IL12RB2: variants seen among roughly 807,000 people sequenced by gnomAD.
IL12RB2 encodes interleukin 12 receptor subunit beta 2.
Under a neutral mutation model 89.4 loss-of-function variants are expected in IL12RB2, and 82 were observed. That is an observed-to-expected ratio of 0.92 (90% CI 0.77 to 1.10). The LOEUF (loss-of-function observed/expected upper bound fraction) is 1.10. Ranked by LOEUF, IL12RB2 falls within the 50% of genes least tolerant of loss-of-function variation. IL12RB2 has a pLI of 0.00. For synonymous variants in IL12RB2, 368 were observed against 370.1 expected (o/e 0.99, Z 0.07); for missense variants, 963 against 1,031.9 (o/e 0.93, Z 0.92).
chr1:67,382,314 A>G (rs1194453741), intron 14 of IL12RB2, among the ~76,000 whole-genome samples: 1 of 152,212 alleles, frequency 6.6e-6, no homozygotes, highest in Non-Finnish European at 1.5e-5. Context: ...GACACTTCTC[A>G]TGGGTCCTAA....
chr1:67,360,131 G>T (rs1661857524), intron 10 of IL12RB2, among the ~76,000 whole-genome samples: 1 of 152,170 alleles, frequency 6.6e-6, no homozygotes, highest in African/African-American at 2.4e-5. Flanking sequence ...GCTGGGCGCG[G>T]TGGCTCACAC....
Position 67,396,161 on chromosome 1 carries a change from T to C in IL12RB2, c.*72T>C. On this transcript the variant is annotated 3_prime_UTR_variant, in exon 17 of 17. Transcript: ENST00000674203. Reference sequence around the variant, plus strand: ...AGCCTGCCCCAATTCCCCCAGCCCCTGCTCCAGCAGCTGTCATCTCTGGGT... The same window carrying C: ...AGCCTGCCCCAATTCCCCCAGCCCCCGCTCCAGCAGCTGTCATCTCTGGGT... 2 of 926,336 alleles carry C rather than the reference T, an allele frequency of 2.2e-6. No individual in the cohort carries two copies. The highest frequency in any genetic ancestry group is 3.4e-5 in the Admixed American group (2 of 59,204). 57.4% of individuals were successfully genotyped at this position (926,336 alleles called of 1,614,324 possible).
chr1:67,314,594 A>G (rs1379071109), intron 2 of IL12RB2, among the ~76,000 whole-genome samples: 1 of 152,172 alleles, frequency 6.6e-6, no homozygotes, highest in East Asian at 1.9e-4. Context: ...CCTTGACCTT[A>G]ATACAGTGCT....
Position 67,329,593 on chromosome 1 carries a change from C to T in IL12RB2, c.671C>T (p.Pro224Leu), listed in dbSNP as rs1473521376. 8.2e-6 allele frequency: 13 copies of T among 1,582,922 alleles called. No homozygotes were observed. Among genetic ancestry groups the T allele is most frequent in the Non-Finnish European group, 1.0e-5 (12 of 1,151,610 alleles). ...TGTTTGTCCTGGTTACTAGTGAGGC[C>T]TCTTCCTCCGTGGGACATTAGAATC... ...STFTFLDIVR[P>L]LPPWDIRIKF... The change falls in exon 7 of 17, where the codon CCT (proline) becomes CTT (leucine). Residue 224 changes from proline to leucine, a missense_variant. Pro to Leu is a moderately conservative substitution (Grantham distance 98). Transcript: ENST00000674203.
At position 67,321,663 on chromosome 1, in the gene IL12RB2, T is replaced by G. The variant is rs758433481; in HGVS notation, c.138T>G (p.Thr46=). 1.2e-6 allele frequency: 2 copies of G among 1,602,218 alleles called. No homozygotes were observed. The highest frequency in any genetic ancestry group is 2.2e-5 in the South Asian group (2 of 90,872). The part of the protein sequence containing the change: ...KPSHVILLGS[T]VNITCSLKPR... ...CCCATGTAATTTTACTTGGATCCACTGTCAATATTACATGCTCTTTGAAGC... is the reference window on the plus strand; with the variant it reads ...CCCATGTAATTTTACTTGGATCCACGGTCAATATTACATGCTCTTTGAAGC... Residue 46 remains threonine, a synonymous_variant, in exon 4 of 17, where the codon ACT becomes ACG. Coordinates refer to ENST00000674203, the MANE Select transcript of IL12RB2 (RefSeq NM_001374259.2).
At position 67,338,662 on chromosome 1, in the gene IL12RB2, C is replaced by A; in HGVS notation, c.997C>A (p.His333Asn). The A allele has an allele frequency of 6.4e-7, 1 of 1,560,700 alleles. No individual in the cohort carries two copies. Among genetic ancestry groups the A allele is most frequent in the Non-Finnish European group, 8.8e-7 (1 of 1,131,484 alleles). ...GMLDVWYMKR[H>N]IDYSRQQISL... is the part of the protein sequence containing the mutation. ...GTTAGATGTCTGGTACATGAAACGG[C>A]ACATTGACTACAGTAGACAACAGAT... The change falls in exon 9 of 17, where the codon CAC becomes AAC. Residue 333 changes from histidine to asparagine, a missense_variant. His to Asn is a moderately conservative substitution (Grantham distance 68). Transcript: ENST00000674203.
At chr1:67,366,215 C>A (rs1662647919) in intron 10 of IL12RB2, among the ~76,000 whole-genome samples, 1 of 151,828 alleles carries the variant, frequency 6.6e-6, no homozygotes, top group South Asian at 2.1e-4. Context: ...ACTTTGGGAG[C>A]CCGAGGCGGG....
At chr1:67,350,816 A>G (rs1049663615) in intron 9 of IL12RB2, 54 bp from the exon 10 acceptor site, 38 of 1,604,464 alleles carry the variant, frequency 2.4e-5, no homozygotes, top group Non-Finnish European at 3.1e-5. Flanking sequence ...CCAGGCACAG[A>G]GCATCAGTGA....
chr1:67,321,474 G>A (rs1277256039), intron 3 of IL12RB2, 128 bp from the exon 4 acceptor site: 3 of 725,826 alleles, frequency 4.1e-6, no homozygotes, highest in African/African-American at 3.4e-5. Context: ...CCAGAGACAT[G>A]TAGGTTAATT....
At chr1:67,327,627 G>A (rs1168791766) in intron 5 of IL12RB2, among the ~76,000 whole-genome samples, 1 of 152,200 alleles carries the variant, frequency 6.6e-6, no homozygotes, top group Non-Finnish European at 1.5e-5. Context: ...AGAAGAGAGA[G>A]TCTGGGAGAT....
intron 4 of IL12RB2, among the ~76,000 whole-genome samples, chr1:67,326,473 C>T (rs766228634): frequency 2.0e-5 from 3 of 152,144 alleles, no homozygotes; most frequent in Non-Finnish European, 2.9e-5. Flanking sequence ...TGGGGTGCTA[C>T]GCTGTCTAAT....
rs745536208 is a variant in IL12RB2, at chr1:67,321,678, C to T, written c.153C>T (p.Cys51=). The change falls in exon 4 of 17, where the codon TGC becomes TGT. Residue 51 remains cysteine, a synonymous_variant. Transcript: ENST00000674203. ...ILLGSTVNIT[C]SLKPRQGCFH... ...TTGGATCCACTGTCAATATTACATG[C>T]TCTTTGAAGCCCAGACAAGGCTGCT... 8.1e-6 allele frequency: 13 copies of T among 1,601,984 alleles called. No individual in the cohort carries two copies. Among genetic ancestry groups the T allele is most frequent in the African/African-American group, 1.3e-5 (1 of 74,806 alleles).
intron 10 of IL12RB2, among the ~76,000 whole-genome samples, chr1:67,354,141 A>G (rs1661129033): frequency 6.6e-6 from 1 of 152,190 alleles, no homozygotes. Context: ...AGAGGTATGC[A>G]TGGGGGCTCT....
At chr1:67,394,049 G>A (rs1040989966) in intron 16 of IL12RB2, among the ~76,000 whole-genome samples, 5 of 152,188 alleles carry the variant, frequency 3.3e-5, no homozygotes, top group Non-Finnish European at 7.3e-5. Context: ...GAGAAGGCAC[G>A]AAGCAGGGGA....
intron 8 of IL12RB2, among the ~76,000 whole-genome samples, chr1:67,336,524 A>G (rs138274361): frequency 3.5e-4 from 54 of 152,322 alleles, no homozygotes; most frequent in Middle Eastern, 3.4e-3. Context: ...AATGTTTTAC[A>G]TAAGTGTTGC....
chr1:67,352,201 A>T (rs1318040070), intron 10 of IL12RB2, among the ~76,000 whole-genome samples: 2 of 152,218 alleles, frequency 1.3e-5, no homozygotes, highest in African/African-American at 4.8e-5. Flanking sequence ...ATATGCATAT[A>T]ACCTTGGGTT....
chr1:67,341,523 A>G lies in IL12RB2; in HGVS notation c.1038+2820A>G, dbSNP rs1362171049. Reference sequence around the variant, plus strand: ...AGAAAGAAGAAAGAAGGAAAGAAAAAAGAAAGAGAAAGAAAGAAAGAAAGA... The same window carrying G: ...AGAAAGAAGAAAGAAGGAAAGAAAAGAGAAAGAGAAAGAAAGAAAGAAAGA... On this transcript the variant is annotated intron_variant, in intron 9 of 16. Transcript: ENST00000674203. Among the ~76,000 whole-genome samples the G allele has an allele frequency of 1.4e-3, 143 of 100,706 alleles. 2 individuals carry two copies. The highest frequency in any genetic ancestry group is 5.3e-3 in the African/African-American group (129 of 24,470). 66.1% of individuals were successfully genotyped at this position (100,706 alleles called of 152,430 possible). A position where few individuals can be genotyped will look rare whatever the true frequency, so the allele number is the denominator to read the frequency against.
intron 11 of IL12RB2, among the ~76,000 whole-genome samples, chr1:67,371,116 G>A (rs1029035996): frequency 6.6e-6 from 1 of 152,186 alleles, no homozygotes; most frequent in Non-Finnish European, 1.5e-5. Context: ...CATTAAATAT[G>A]ATTTCATATT....
intron 2 of IL12RB2, among the ~76,000 whole-genome samples, chr1:67,319,780 ACTCT>A (rs945955763): frequency 8.6e-5 from 13 of 152,014 alleles, no homozygotes; most frequent in African/African-American, 3.1e-4. Context: ...TAAAATCCTA[ACTCT>A]CAAGGTGATG....
Sources: allele counts gnomAD v4.1 joint callset (sites outside exome capture counted in the v4.1 genomes callset), GRCh38; gene constraint gnomAD v4.1.1; transcripts MANE v1.5; gene names NCBI Gene and HGNC (gene_info 2026-07-23, HGNC 2026-07-21).